Variants in CACNA2D3 observed in about 807,000 individuals in gnomAD.
CACNA2D3 encodes the protein calcium voltage-gated channel auxiliary subunit alpha2delta 3, also known as voltage-dependent calcium channel subunit alpha-2/delta-3.
Under a neutral mutation model 160.6 loss-of-function variants are expected in CACNA2D3, and 60 were observed. That is an observed-to-expected ratio of 0.37 (90% CI 0.30 to 0.46). The LOEUF (loss-of-function observed/expected upper bound fraction) is 0.46, where lower values mean the gene tolerates loss of function less well. CACNA2D3 is among the 20% of genes least tolerant of loss of function. The pLI is 1.00. For missense variants in CACNA2D3, 1,205 were observed against 1,365.0 expected (o/e 0.88, Z 1.85); for synonymous variants, 558 against 492.9 (o/e 1.13, Z -1.75).
At chr3:54,544,396 CTT>C (rs796305037) in intron 5 of CACNA2D3, among the ~76,000 whole-genome samples, 78 of 135,558 alleles carry the variant, frequency 5.8e-4, no homozygotes, top group African/African-American at 2.0e-3. Flanking sequence ...CCAAACTAGC[CTT>C]TTTTTTTTTT....
chr3:54,814,215 C>T (rs1703399116), intron 13 of CACNA2D3, among the ~76,000 whole-genome samples: 2 of 152,152 alleles, frequency 1.3e-5, no homozygotes, highest in Non-Finnish European at 2.9e-5. Context: ...CTTCAGAATC[C>T]TTCTCAACAT....
At chr3:55,027,421 G>T (rs1428622262) in intron 35 of CACNA2D3, among the ~76,000 whole-genome samples, 3 of 152,142 alleles carry the variant, frequency 2.0e-5, no homozygotes, top group Admixed American at 6.5e-5. Flanking sequence ...ATATTAAGGA[G>T]GAAAATAATG....
At chr3:54,455,056 G>A (rs574621484) in intron 4 of CACNA2D3, among the ~76,000 whole-genome samples, 2 of 152,210 alleles carry the variant, frequency 1.3e-5, no homozygotes, top group African/African-American at 4.8e-5. Context: ...GATAAACATG[G>A]GGGCGCAGAT....
At chr3:54,265,651 T>C (rs926678971) in intron 2 of CACNA2D3, among the ~76,000 whole-genome samples, 31 of 70,114 alleles carry the variant, frequency 4.4e-4, no homozygotes, top group Non-Finnish European at 8.8e-4. Flanking sequence ...AGTGTGTATA[T>C]ATATAGTGTA....
intron 27 of CACNA2D3, among the ~76,000 whole-genome samples, chr3:54,912,319 C>T (rs180845458): frequency 1.3e-5 from 2 of 152,114 alleles, no homozygotes; most frequent in South Asian, 4.1e-4. Context: ...AGCCCACAGT[C>T]AAGGAGAGAG....
chr3:54,277,200 C>T (rs1277828639), intron 2 of CACNA2D3, among the ~76,000 whole-genome samples: 2 of 152,216 alleles, frequency 1.3e-5, no homozygotes, highest in Non-Finnish European at 2.9e-5. Flanking sequence ...TAAAATCCCG[C>T]CAGTGCCTAT....
chr3:54,327,421 T>G (rs143533840), intron 3 of CACNA2D3, among the ~76,000 whole-genome samples: 43 of 152,360 alleles, frequency 2.8e-4, no homozygotes, highest in African/African-American at 9.4e-4. Flanking sequence ...CTTTCATGCT[T>G]ATTCTGGGGG....
chr3:55,012,814 G>A (rs1482306952), intron 34 of CACNA2D3, among the ~76,000 whole-genome samples: 2 of 152,030 alleles, frequency 1.3e-5, no homozygotes, highest in Non-Finnish European at 1.5e-5. Context: ...TAGACCAAGG[G>A]GTGCAGAGTA....
At chr3:54,695,670 A>G (rs996309522) in intron 11 of CACNA2D3, among the ~76,000 whole-genome samples, 10 of 152,198 alleles carry the variant, frequency 6.6e-5, no homozygotes, top group African/African-American at 2.2e-4. Flanking sequence ...TTAATTTGCA[A>G]TTCTTTCATT....
At chr3:54,646,194 G>GCTTGCTTCCTTC (rs1553766135) in intron 11 of CACNA2D3, among the ~76,000 whole-genome samples, 4 of 13,460 alleles carry the variant, frequency 3.0e-4, no homozygotes, top group South Asian at 5.1e-3. Flanking sequence ...CTCCTTCCTT[G>GCTTGCTTCCTTC]CTTCCTTCCT....
In CACNA2D3 at chr3:55,001,456, T is replaced by G. The variant is rs116708047; in HGVS notation, c.2691-3307T>G. ...CCTCTCTAGCAGGCACTGTGCTGAA[T>G]GCAACACATAGATAACCTTCTTTAA... On this transcript the variant is annotated intron_variant, in intron 31 of 37. Transcript: ENST00000474759. Among the ~76,000 whole-genome samples, 809 of 152,330 alleles carry G rather than the reference T, an allele frequency of 5.3e-3. 9 individuals are homozygous for G. Among genetic ancestry groups the G allele is most frequent in the African/African-American group, 0.019 (771 of 41,576 alleles).
At chr3:54,701,592 A>C (rs1230943154) in intron 11 of CACNA2D3, among the ~76,000 whole-genome samples, 1 of 152,226 alleles carries the variant, frequency 6.6e-6, no homozygotes, top group African/African-American at 2.4e-5. Flanking sequence ...AAGAAATCAG[A>C]GACAACAACA....
At chr3:54,402,541 A>C (rs769656045) in intron 4 of CACNA2D3, among the ~76,000 whole-genome samples, 1 of 152,212 alleles carries the variant, frequency 6.6e-6, no homozygotes, top group Non-Finnish European at 1.5e-5. Flanking sequence ...AAAGACAAAT[A>C]GGGTCACTAT....
At chr3:54,910,459 C>G (rs532062298) in intron 27 of CACNA2D3, among the ~76,000 whole-genome samples, 1 of 152,272 alleles carries the variant, frequency 6.6e-6, no homozygotes, top group East Asian at 1.9e-4. Flanking sequence ...TTCCATTGTT[C>G]TTTTGTCGTG....
chr3:54,720,420 T>C (rs1328694362), intron 11 of CACNA2D3, among the ~76,000 whole-genome samples: 2 of 152,102 alleles, frequency 1.3e-5, no homozygotes, highest in Non-Finnish European at 2.9e-5. Context: ...CTAGTTAAAA[T>C]TTTATGATTT....
intron 2 of CACNA2D3, among the ~76,000 whole-genome samples, chr3:54,276,856 C>T (rs1373461132): frequency 2.0e-5 from 3 of 152,248 alleles, no homozygotes; most frequent in African/African-American, 7.2e-5. Flanking sequence ...CACCCTGAGG[C>T]AGCTTTCCTT....
chr3:54,677,960 G>GAGA lies in CACNA2D3; in HGVS notation c.1167+35721_1167+35723dup, dbSNP rs536665651. The stretch of plus-strand genomic sequence containing the variant: ...TGAGGGACACATGTGTGATGAGAGA[G>GAGA]AGAAATGAAGCAAGAGGTGAAAAAT... On this transcript the variant is annotated intron_variant, in intron 11 of 37. Coordinates refer to ENST00000474759, the MANE Select transcript of CACNA2D3 (RefSeq NM_018398.3). Among the ~76,000 whole-genome samples, 310 of 152,250 alleles carry GAGA rather than the reference G, an allele frequency of 2.0e-3. 1 individual carries two copies. Among genetic ancestry groups the GAGA allele is most frequent in the African/African-American group, 6.8e-3 (283 of 41,550 alleles).
At chr3:54,734,181 T>C (rs1701450524) in intron 11 of CACNA2D3, among the ~76,000 whole-genome samples, 3 of 152,190 alleles carry the variant, frequency 2.0e-5, no homozygotes, top group African/African-American at 7.2e-5. Context: ...TAGCATTGTG[T>C]TGAGTAAAGT....
chr3:54,301,278 C>CAACAACA (rs1553787154), intron 2 of CACNA2D3, among the ~76,000 whole-genome samples: 1 of 144,698 alleles, frequency 6.9e-6, no homozygotes. Context: ...ACAACAACAA[C>CAACAACA]AACAAACAAA....
Sources: gnomAD v4.1 joint callset for allele counts (sites outside exome capture counted in the v4.1 genomes callset) on GRCh38, gnomAD v4.1.1 for gene constraint, MANE v1.5 for transcripts, NCBI Gene and HGNC (gene_info 2026-07-23, HGNC 2026-07-21) for gene names.